ATRX: variants seen among roughly 807,000 people sequenced by gnomAD.
The protein encoded by ATRX is chromatin remodeler ATRX.
ATRX carries 12 observed loss-of-function variants against 172.6 expected under a neutral mutation model. The observed-to-expected ratio is 0.07, with a 90% CI of 0.04 to 0.11. The LOEUF (loss-of-function observed/expected upper bound fraction) is 0.11. ATRX is among the 10% of genes least tolerant of loss of function. ATRX has a pLI of 1.00. For missense variants in ATRX, 1,368 were observed against 1,767.4 expected, an observed-to-expected ratio of 0.77 and a Z score of 4.05; for synonymous variants, 674 against 594.7, an observed-to-expected ratio of 1.13 and a Z score of -1.94.
At chrX:77,764,568 T>C (rs1204900726) in intron 1 of ATRX, among the ~76,000 whole-genome samples, 2 of 112,357 alleles carry the variant, frequency 1.8e-5, no homozygotes, top group Non-Finnish European at 3.8e-5. Context: ...ATAGAAGGCA[T>C]GTGATGCAAA....
chrX:77,698,617 C>T lies in ATRX; in HGVS notation c.146G>A (p.Gly49Asp). The part of the protein sequence containing the change: ...AMNQNTDKIS[G>D]SGSNSDMMEN... ...CATCATATCAGAGTTACTTCCAGAA[C>T]CACTGATTTTATCTAAAAAAGAAGA... Residue 49 changes from glycine to aspartate, a missense_variant, in exon 3 of 35, where the codon GGT (glycine) becomes GAT (aspartate). Gly to Asp is a moderately conservative substitution (Grantham distance 94). This residue lies in a region of ATRX where 84 missense variants were observed against 82.8 expected (regional missense o/e 1.01). Transcript: ENST00000373344. 8.3e-7 allele frequency: 1 copy of T among 1,202,311 alleles called. No homozygotes were observed.
intron 30 of ATRX, among the ~76,000 whole-genome samples, chrX:77,525,403 A>G (rs782596265): frequency 8.9e-6 from 1 of 111,977 alleles, no homozygotes; most frequent in Non-Finnish European, 1.9e-5. Flanking sequence ...CATGCCAAAC[A>G]TGACTCAAGA....
intron 30 of ATRX, among the ~76,000 whole-genome samples, chrX:77,547,203 T>C (rs188479671): frequency 4.8e-4 from 54 of 111,602 alleles, no homozygotes; most frequent in African/African-American, 1.6e-3. Flanking sequence ...CTTCCAACTC[T>C]CCATAAGGAG....
intron 1 of ATRX, among the ~76,000 whole-genome samples, chrX:77,719,271 T>C (rs1676558835): frequency 9.0e-6 from 1 of 111,148 alleles, no homozygotes; most frequent in Non-Finnish European, 1.9e-5. Flanking sequence ...ACAACCCTAT[T>C]TTTTAAATGG....
chrX:77,525,054 T>C (rs2063339256), intron 30 of ATRX, among the ~76,000 whole-genome samples: 1 of 112,032 alleles, frequency 8.9e-6, no homozygotes, highest in Admixed American at 9.5e-5. Context: ...TGTATGTGTG[T>C]GCTATTTCCT....
At chrX:77,622,124 A>C (rs1557100432) in intron 19 of ATRX, among the ~76,000 whole-genome samples, 1 of 111,828 alleles carries the variant, frequency 8.9e-6, no homozygotes, top group Non-Finnish European at 1.9e-5. Flanking sequence ...AAAATGCAAA[A>C]TGTGTAAACC....
intron 26 of ATRX, among the ~76,000 whole-genome samples, chrX:77,591,642 C>T (rs1557080529): frequency 9.0e-6 from 1 of 111,634 alleles, no homozygotes; most frequent in African/African-American, 3.3e-5. Flanking sequence ...CAGTTAACTA[C>T]TTCTAGAATG....
intron 30 of ATRX, among the ~76,000 whole-genome samples, chrX:77,528,316 A>G (rs2147789339): frequency 8.9e-6 from 1 of 111,866 alleles, no homozygotes; most frequent in African/African-American, 3.2e-5. Flanking sequence ...CAGCCATTTC[A>G]GCTTGCTGGT....
chrX:77,676,320 T>G (rs376319187), intron 9 of ATRX, 22 bp from the exon 10 acceptor site: 164 of 1,174,562 alleles, frequency 1.4e-4, no homozygotes, highest in Non-Finnish European at 1.7e-4. Flanking sequence ...AAAGTGTACT[T>G]AAAATTAGCT....
intron 5 of ATRX, among the ~76,000 whole-genome samples, chrX:77,694,885 T>C (rs1286504545): frequency 1.6e-5 from 1 of 63,571 alleles, no homozygotes; most frequent in Non-Finnish European, 2.7e-5. Flanking sequence ...AATGAGTTTC[T>C]GAGTCTCTGA....
Position 77,508,143 on chromosome X carries a change from TAAG to T in ATRX, c.*205_*207del, listed in dbSNP as rs1820928500. ...AAATATCTTCTGTACTCAGCGTGTG[TAAG>T]AAGATTCTAGGCAACATCACTGACA... On this transcript the variant is annotated 3_prime_UTR_variant, in exon 35 of 35. Transcript: ENST00000373344. 2.3e-6 allele frequency: 1 copy of T among 437,181 alleles called. No individual in the cohort carries two copies. The allele number at this position is 437,181 out of a possible 1,213,427, so 36.0% of individuals were successfully genotyped here.
At chrX:77,621,599 C>T (rs1346036635) in intron 19 of ATRX, among the ~76,000 whole-genome samples, 3 of 112,538 alleles carry the variant, frequency 2.7e-5, no homozygotes, top group Non-Finnish European at 1.9e-5. Context: ...GCATAAGCCA[C>T]CACGCCCAGC....
intron 7 of ATRX, among the ~76,000 whole-genome samples, chrX:77,685,468 T>A (rs45496795): frequency 8.9e-6 from 1 of 112,017 alleles, no homozygotes; most frequent in South Asian, 3.7e-4. Context: ...CAGAGAAATG[T>A]TAATCAAAAC....
intron 10 of ATRX, chrX:77,674,342 T>C (rs1557132368): frequency 9.0e-6 from 1 of 111,343 alleles, no homozygotes; most frequent in Non-Finnish European, 1.9e-5. Flanking sequence ...TTTGGTATAG[T>C]GAATATTAAA....
At chrX:77,696,482 G>T in intron 5 of ATRX, 95 bp downstream of exon 5, 1 of 952,574 alleles carries the variant, frequency 1.0e-6, no homozygotes, top group African/African-American at 1.9e-5. Flanking sequence ...TTGGTCGTTT[G>T]TACATAGTTA....
In ATRX at chrX:77,683,539, C is replaced by A. The variant is rs782746892; in HGVS notation, c.1717G>T (p.Gly573Cys). The A allele has an allele frequency of 1.7e-6, 2 of 1,208,867 alleles. No homozygotes were observed. The highest frequency in any genetic ancestry group is 4.4e-5 in the Admixed American group (2 of 45,944). Residue 573 changes from glycine to cysteine, a missense_variant, in exon 9 of 35, where the codon GGT becomes TGT. By Grantham distance (159) the Gly-to-Cys change is radical. Coordinates refer to ENST00000373344, the MANE Select transcript of ATRX (RefSeq NM_000489.6). ...TTAGCTGTAGTTTTTGATTTAATAC[C>A]TCCTCTGTTGTCTTTTGAAGAAATA... Reference protein sequence around the residue: ...LNISSKDNRGGIKSKTTAKVT... With the variant: ...LNISSKDNRGCIKSKTTAKVT...
chrX:77,641,052 A>G (rs1323778456), intron 15 of ATRX, among the ~76,000 whole-genome samples: 2 of 111,685 alleles, frequency 1.8e-5, no homozygotes, highest in Non-Finnish European at 3.8e-5. Flanking sequence ...ACCAAATCTT[A>G]GCAGTGGGTC....
intron 28 of ATRX, among the ~76,000 whole-genome samples, chrX:77,562,833 C>T (rs782501839): frequency 8.9e-6 from 1 of 112,257 alleles, no homozygotes; most frequent in Non-Finnish European, 1.9e-5. Context: ...AGGCCTGAGC[C>T]ACTAGCCTCA....
At chrX:77,558,923 A>G in intron 28 of ATRX, 77 bp from the exon 29 acceptor site, 1 of 848,375 alleles carries the variant, frequency 1.2e-6, no homozygotes, top group Non-Finnish European at 1.7e-6. Context: ...TGACTTTTTG[A>G]TACTTAGTTT....
Sources: allele counts gnomAD v4.1 joint callset (sites outside exome capture counted in the v4.1 genomes callset), GRCh38; gene constraint gnomAD v4.1.1; regional missense constraint gnomAD v4.1.1; transcripts MANE v1.5; gene names NCBI Gene and HGNC (gene_info 2026-07-23, HGNC 2026-07-21).